RANBP2: variants seen among roughly 807,000 people sequenced by gnomAD.
RANBP2 encodes RAN binding protein 2, also known as E3 SUMO-protein ligase RanBP2.
RANBP2 carries 57 observed loss-of-function variants against 303.6 expected under a neutral mutation model. The ratio of observed to expected loss-of-function variants is 0.19; its 90% CI spans 0.15 to 0.23. The LOEUF is 0.23. Among genes scored for constraint, RANBP2 ranks in the 10% least tolerant of loss-of-function variants. The probability of loss-of-function intolerance (pLI) is 1.00; values close to 1 mark genes in which losing one functional copy is unlikely to be tolerated. For synonymous variants in RANBP2, 1,167 were observed against 1,301.5 expected (o/e 0.90, Z 2.23); for missense variants, 3,138 against 3,780.8 (o/e 0.83, Z 4.46).
the RANBP2 span, among the ~76,000 whole-genome samples, chr2:108,866,132 T>G: frequency 6.6e-6 from 1 of 152,166 alleles, no homozygotes; most frequent in Non-Finnish European, 1.5e-5. Flanking sequence ...GTTTCTGGAT[T>G]TCACAGAAAG....
At chr2:109,184,091 A>G in the RANBP2 span, among the ~76,000 whole-genome samples, 1 of 152,204 alleles carries the variant, frequency 6.6e-6, no homozygotes, top group Non-Finnish European at 1.5e-5. Flanking sequence ...TGTTGAGCCC[A>G]TGTGGTGGTT....
the RANBP2 span, among the ~76,000 whole-genome samples, chr2:109,276,725 G>A: frequency 6.6e-6 from 1 of 152,144 alleles, no homozygotes; most frequent in African/African-American, 2.4e-5. Context: ...CATTATTCCA[G>A]CTTTTGTGAT....
chr2:109,200,146 G>A, the RANBP2 span, among the ~76,000 whole-genome samples: 2 of 152,154 alleles, frequency 1.3e-5, no homozygotes, highest in African/African-American at 4.8e-5. Flanking sequence ...TGCTCCTAAG[G>A]TGACTTTGTT....
the RANBP2 span, among the ~76,000 whole-genome samples, chr2:108,913,466 A>G: frequency 6.6e-6 from 1 of 151,916 alleles, no homozygotes; most frequent in Admixed American, 6.6e-5. Flanking sequence ...TAGAGTAGGA[A>G]TGTGTTAATA....
the RANBP2 span, among the ~76,000 whole-genome samples, chr2:109,317,226 C>T: frequency 1.2e-4 from 18 of 152,092 alleles, no homozygotes; most frequent in East Asian, 5.8e-4. Flanking sequence ...ACCTCCCACC[C>T]GGATGGAATC....
the RANBP2 span, among the ~76,000 whole-genome samples, chr2:109,675,196 G>A: frequency 1.3e-5 from 2 of 152,190 alleles, no homozygotes; most frequent in South Asian, 2.1e-4. Flanking sequence ...TTTTTAAAGG[G>A]CCCTGGGTGC....
chr2:109,732,347 TG>T, the RANBP2 span, among the ~76,000 whole-genome samples: 2 of 152,204 alleles, frequency 1.3e-5, no homozygotes, highest in Non-Finnish European at 2.9e-5. Context: ...GTGAAGCCCT[TG>T]GTCTGTGGGA....
chr2:109,073,673 G>GA, the RANBP2 span, among the ~76,000 whole-genome samples: 14 of 139,276 alleles, frequency 1.0e-4, 1 homozygote, highest in Admixed American at 2.1e-4. Flanking sequence ...TGTCTCAAAA[G>GA]AAAAAAAAAG....
the RANBP2 span, among the ~76,000 whole-genome samples, chr2:108,875,684 C>A: frequency 1.3e-5 from 2 of 151,884 alleles, no homozygotes; most frequent in Non-Finnish European, 2.9e-5. Flanking sequence ...ATAGTGACAC[C>A]CTGTCTCTAC....
chr2:109,482,904 T>TTCTTTATC, the RANBP2 span, among the ~76,000 whole-genome samples: 5 of 152,236 alleles, frequency 3.3e-5, no homozygotes, highest in African/African-American at 1.2e-4. Context: ...TGAACCAATT[T>TTCTTTATC]TCTTTATCTT....
the RANBP2 span, among the ~76,000 whole-genome samples, chr2:109,315,152 A>G: frequency 6.6e-6 from 1 of 152,246 alleles, no homozygotes; most frequent in Non-Finnish European, 1.5e-5. Flanking sequence ...TTTACTGAGT[A>G]TAATTAGCAG....
the RANBP2 span, among the ~76,000 whole-genome samples, chr2:109,027,173 C>T: frequency 1.2e-4 from 17 of 139,086 alleles, no homozygotes; most frequent in African/African-American, 1.8e-4. Context: ...ATCCTGGAGG[C>T]GGAGGTTGCA....
At chr2:109,770,755 A>G in the RANBP2 span, among the ~76,000 whole-genome samples, 19 of 7,618 alleles carry the variant, frequency 2.5e-3, 1 homozygote, top group Non-Finnish European at 4.1e-3. Context: ...CATGAACCCT[A>G]TTGTGAACCG....
chr2:108,759,701 C>T, intron 18 of RANBP2, among the ~76,000 whole-genome samples: 1 of 152,128 alleles, frequency 6.6e-6, no homozygotes, highest in East Asian at 1.9e-4. Context: ...GTCTAACGTT[C>T]AAACCTTGTT....
At chr2:108,959,540 G>A in the RANBP2 span, among the ~76,000 whole-genome samples, 3 of 152,198 alleles carry the variant, frequency 2.0e-5, no homozygotes, top group African/African-American at 7.2e-5. Flanking sequence ...GACTCAGGTT[G>A]TCAGGTTTCC....
the RANBP2 span, chr2:109,613,936 G>C: frequency 1.6e-6 from 2 of 1,218,092 alleles, no homozygotes; most frequent in African/African-American, 1.6e-5. Flanking sequence ...GGCGGGGCGC[G>C]AGGCTAGGCT....
chr2:109,129,316 C>A, the RANBP2 span: 4 of 750,550 alleles, frequency 5.3e-6, no homozygotes, highest in Non-Finnish European at 8.7e-6. Context: ...CAGGACTGGG[C>A]GGGCTCGGCT....
the RANBP2 span, among the ~76,000 whole-genome samples, chr2:109,623,020 G>A: frequency 7.9e-5 from 12 of 152,066 alleles, no homozygotes; most frequent in African/African-American, 2.7e-4. Flanking sequence ...CCAGCTACTC[G>A]GGAGGCTGAG....
At chr2:108,787,079 G>T (rs981075257), downstream of RANBP2, among the ~76,000 whole-genome samples, 1 of 152,126 alleles carries the variant, frequency 6.6e-6, no homozygotes, top group Admixed American at 6.5e-5. Context: ...CGGGAGGGGC[G>T]GGCGTTGCGC....
Sources: allele counts gnomAD v4.1 joint callset (sites outside exome capture counted in the v4.1 genomes callset), GRCh38; gene constraint gnomAD v4.1.1; transcripts MANE v1.5; gene names NCBI Gene and HGNC (gene_info 2026-07-23, HGNC 2026-07-21).